Variants in GHRHR observed in about 807,000 individuals in gnomAD.
The protein encoded by GHRHR is growth hormone releasing hormone receptor.
In GHRHR, 40 loss-of-function variants were observed where a neutral mutation model predicts 58.3. That is an observed-to-expected ratio of 0.69 (90% CI 0.53 to 0.89). GHRHR has a LOEUF of 0.89. GHRHR is among the 40% of genes least tolerant of loss of function. The probability of loss-of-function intolerance (pLI) is 0.00; values close to 1 mark genes in which losing one functional copy is unlikely to be tolerated. For missense variants in GHRHR, 551 were observed against 541.3 expected, an observed-to-expected ratio of 1.02 and a Z score of -0.18; for synonymous variants, 249 against 216.6, an observed-to-expected ratio of 1.15 and a Z score of -1.31.
chr7:30,973,022 C>G (rs1465613361), intron 6 of GHRHR, among the ~76,000 whole-genome samples: 1 of 152,162 alleles, frequency 6.6e-6, no homozygotes, highest in Non-Finnish European at 1.5e-5. Context: ...CTATTGATTG[C>G]CTACTGTTGA....
At chr7:30,973,955 G>A (rs1267891871) in intron 6 of GHRHR, 30 bp from the exon 7 acceptor site, 1 of 1,610,578 alleles carries the variant, frequency 6.2e-7, no homozygotes, top group Admixed American at 1.7e-5. Context: ...GGGTGTCCCA[G>A]CTCTGAAGCA....
At chr7:30,971,861 T>C (rs1005415074) in intron 5 of GHRHR, 102 bp from the exon 6 acceptor site, 2 of 1,057,184 alleles carry the variant, frequency 1.9e-6, no homozygotes, top group Admixed American at 1.7e-5. Context: ...TTGCATCCAG[T>C]TTGATTCGAT....
At position 30,964,015 on chromosome 7, in the gene GHRHR, G is replaced by C. The variant is rs1792286231; in HGVS notation, c.-54G>C. The C allele has an allele frequency of 6.7e-7, 1 of 1,484,500 alleles. No individual in the cohort carries two copies. Among genetic ancestry groups the C allele is most frequent in the Non-Finnish European group, 9.2e-7 (1 of 1,087,206 alleles). The allele number at this position is 1,484,500 out of a possible 1,614,324, so 92.0% of individuals were successfully genotyped here. ...CTGTGTCAGGGGACAGCAGGGGAAG[G>C]AAGATAGCCAAGGCTTACTGAGGCT... On this transcript the variant is annotated 5_prime_UTR_variant, in exon 1 of 13. Coordinates refer to ENST00000326139, the MANE Select transcript of GHRHR (RefSeq NM_000823.4).
At chr7:30,966,931 T>G (rs951499018) in intron 1 of GHRHR, among the ~76,000 whole-genome samples, 1 of 152,178 alleles carries the variant, frequency 6.6e-6, no homozygotes, top group Non-Finnish European at 1.5e-5. Flanking sequence ...CATGAGCCAC[T>G]GCGCCCGGCC....
At chr7:30,977,452 G>A in intron 12 of GHRHR, 130 bp downstream of exon 12, 1 of 808,536 alleles carries the variant, frequency 1.2e-6, no homozygotes, top group Non-Finnish European at 2.2e-6. Flanking sequence ...GAGCTTTTGT[G>A]GTAGTCTGTC....
intron 1 of GHRHR, 31 bp downstream of exon 1, chr7:30,964,156 T>A: frequency 1.3e-6 from 2 of 1,537,010 alleles, no homozygotes; most frequent in Non-Finnish European, 1.8e-6. Flanking sequence ...CTCTGGCCTC[T>A]GCCACTGGGC....
chr7:30,973,893 C>T, intron 6 of GHRHR, 92 bp from the exon 7 acceptor site: 1 of 1,307,424 alleles, frequency 7.6e-7, no homozygotes. Context: ...ATGGAGGGGC[C>T]TGGAGGTTCT....
At chr7:30,965,568 A>T (rs568453801) in intron 1 of GHRHR, among the ~76,000 whole-genome samples, 1 of 152,292 alleles carries the variant, frequency 6.6e-6, no homozygotes, top group East Asian at 1.9e-4. Context: ...ATGCCCACAC[A>T]TCCTGAGTCA....
intron 6 of GHRHR, 36 bp downstream of exon 6, chr7:30,972,131 G>A (rs1792493298): frequency 6.2e-7 from 1 of 1,610,896 alleles, no homozygotes; most frequent in South Asian, 1.1e-5. Context: ...GGCAGGTGGG[G>A]GAGAGAGGAG....
In GHRHR at chr7:30,974,153, C is replaced by T. The variant is rs769347579; in HGVS notation, c.751+15C>T. ...CGCTGGCTGGGGTGAGCACTGAGGG[C>T]GGGTTGGGCACCATGGGGAGGTAAA... On this transcript the variant is annotated intron_variant, in intron 7 of 12. Coordinates refer to ENST00000326139, the MANE Select transcript of GHRHR (RefSeq NM_000823.4). 50 of 1,612,036 alleles carry T rather than the reference C, an allele frequency of 3.1e-5. No individual in the cohort carries two copies. The highest frequency in any genetic ancestry group is 1.4e-4 in the South Asian group (13 of 91,004).
intron 1 of GHRHR, among the ~76,000 whole-genome samples, chr7:30,966,021 A>C (rs1584409608): frequency 7.2e-5 from 11 of 152,152 alleles, no homozygotes; most frequent in Admixed American, 7.2e-4. Context: ...TGACATCTGC[A>C]CCCTGGGGCC....
At chr7:30,965,365 T>C (rs1792326105) in intron 1 of GHRHR, among the ~76,000 whole-genome samples, 1 of 152,040 alleles carries the variant, frequency 6.6e-6, no homozygotes, top group African/African-American at 2.4e-5. Flanking sequence ...ATGCAAGGCC[T>C]GGGGGTCCAG....
intron 9 of GHRHR, among the ~76,000 whole-genome samples, chr7:30,975,431 T>A (rs1792557557): frequency 6.6e-6 from 1 of 152,182 alleles, no homozygotes; most frequent in East Asian, 1.9e-4. Context: ...ATGGCTTTGG[T>A]AAATGTACAA....
chr7:30,969,023 A>C (rs1242166853), intron 2 of GHRHR, 40 bp from the exon 3 acceptor site: 2 of 1,533,582 alleles, frequency 1.3e-6, no homozygotes, highest in Non-Finnish European at 1.8e-6. Context: ...ACAGCCCTGC[A>C]CCTGGGCTGA....
intron 4 of GHRHR, 44 bp downstream of exon 4, chr7:30,970,008 T>C: frequency 2.4e-6 from 2 of 838,150 alleles, no homozygotes; most frequent in Non-Finnish European, 4.3e-6. Flanking sequence ...GCCATGGACA[T>C]TTGTATGGGT....
In GHRHR at chr7:30,975,599, G is replaced by A. The variant is rs564106186; in HGVS notation, c.883-178G>A. Among the ~76,000 whole-genome samples, 42 of 151,758 alleles carry A rather than the reference G, an allele frequency of 2.8e-4. 1 individual carries two copies. Among genetic ancestry groups the A allele is most frequent in the Middle Eastern group, 3.4e-3 (1 of 294 alleles). On this transcript the variant is annotated intron_variant, in intron 9 of 12. Coordinates refer to ENST00000326139, the MANE Select transcript of GHRHR (RefSeq NM_000823.4). ...TCCAATGCTCAAATGTGGGACCCCC[G>A]CCCCCCCATCTCCAGGCTACCAGTT...
intron 5 of GHRHR, 25 bp downstream of exon 5, chr7:30,971,241 A>C: frequency 2.0e-6 from 2 of 1,016,902 alleles, no homozygotes; most frequent in Non-Finnish European, 3.0e-6. Flanking sequence ...TCACCAGCTC[A>C]AGAACCTTCC....
In GHRHR at chr7:30,973,967, C is replaced by T. The variant is rs750996685; in HGVS notation, c.598-18C>T. Reference sequence around the variant, plus strand: ...AGTGGGTGTCCCAGCTCTGAAGCACCCAGGTCCTGGCCCCCAGGTTCTATG... The same window carrying T: ...AGTGGGTGTCCCAGCTCTGAAGCACTCAGGTCCTGGCCCCCAGGTTCTATG... On this transcript the variant is annotated intron_variant, in intron 6 of 12. Transcript: ENST00000326139. 1 of 1,612,602 alleles carries T rather than the reference C, an allele frequency of 6.2e-7. No individual in the cohort carries two copies. The highest frequency in any genetic ancestry group is 8.5e-7 in the Non-Finnish European group (1 of 1,179,728).
chr7:30,975,106 T>A, intron 9 of GHRHR, 66 bp downstream of exon 9: 1 of 1,098,508 alleles, frequency 9.1e-7, no homozygotes, highest in South Asian at 1.2e-5. Flanking sequence ...TGACGGGCTG[T>A]GCACAGCAGG....
Sources: gnomAD v4.1 joint callset for allele counts (sites outside exome capture counted in the v4.1 genomes callset) on GRCh38, gnomAD v4.1.1 for gene constraint, MANE v1.5 for transcripts, NCBI Gene and HGNC (gene_info 2026-07-23, HGNC 2026-07-21) for gene names.